The following MYO1C variants were observed in gnomAD, a reference collection of about 807,000 sequenced individuals.
MYO1C encodes myosin IC, also known as unconventional myosin-Ic.
Under a neutral mutation model 150.8 loss-of-function variants are expected in MYO1C, and 104 were observed. The observed-to-expected ratio is 0.69, with a 90% CI of 0.59 to 0.81. MYO1C has a LOEUF of 0.81. Among genes scored for constraint, MYO1C ranks in the 30% least tolerant of loss-of-function variants. The probability of loss-of-function intolerance (pLI) is 0.00; values close to 1 mark genes in which losing one functional copy is unlikely to be tolerated. For missense variants in MYO1C, 1,504 were observed against 1,435.0 expected, an observed-to-expected ratio of 1.05 and a Z score of -0.78; for synonymous variants, 663 against 579.9, an observed-to-expected ratio of 1.14 and a Z score of -2.06.
rs1017763401 is a variant in MYO1C at position 1,483,473 on chromosome 17, G to C, written c.347+137C>G. On this transcript the variant is annotated intron_variant, in intron 3 of 31. Coordinates refer to ENST00000648651, the MANE Select transcript of MYO1C (RefSeq NM_001080779.2). ...GTTGCGACATTCATCTCTGGTCACT[G>C]GGGGGCAAGAGACTGTGGGATTCCT... is the stretch of plus-strand genomic sequence containing the variant. 5.9e-6 allele frequency: 4 copies of C among 680,502 alleles called. No individual in the cohort carries two copies. In the African/African-American group the frequency reaches 7.1e-5, roughly 12 times the overall value. 42.2% of individuals were successfully genotyped at this position (680,502 alleles called of 1,614,324 possible).
In MYO1C at chr17:1,470,439, G is replaced by A. The variant is rs1043738817; in HGVS notation, c.2362C>T (p.Arg788Trp). 1.5e-5 allele frequency: 24 copies of A among 1,550,308 alleles called. No homozygotes were observed. The highest frequency in any genetic ancestry group is 3.9e-5 in the Admixed American group (2 of 50,988). Residue 788 changes from arginine (R) to tryptophan (W), a missense_variant, in exon 23 of 32, where the codon CGG becomes TGG. By Grantham distance (101) the Arg-to-Trp change is moderately radical. Transcript: ENST00000648651. ...ACAAGGCACCCTGGCGCTCACCGCC[G>A]GATGGTCTGTGCCGCCCACTTCCTC... ...AKRKWAAQTI[R>W]RLIRGFVLRH...
chr17:1,478,146 G>C lies in MYO1C; in HGVS notation c.1342C>G (p.Leu448Val), dbSNP rs1444089130. 7 of 1,613,970 alleles carry C rather than the reference G, an allele frequency of 4.3e-6. No individual in the cohort carries two copies. The highest frequency in any genetic ancestry group is 5.9e-6 in the Non-Finnish European group (7 of 1,180,056). ...INYCNEKLQQ[L>V]FIELTLKSEQ... ...GACTTGAGCGTGAGCTCGATGAAGA[G>C]CTGCTGCAGCTTCTCGTTGCAGTAA... The change falls in exon 12 of 32, where the codon CTC (leucine) becomes GTC (valine). Residue 448 changes from leucine (L) to valine (V), a missense_variant. Coordinates refer to ENST00000648651, the MANE Select transcript of MYO1C (RefSeq NM_001080779.2). This position sits in a 1 kb window ranked among gnomAD's most constrained non-coding sequence, Gnocchi z 6.3.
intron 19 of MYO1C, 83 bp downstream of exon 19, chr17:1,471,824 G>C: frequency 7.0e-7 from 1 of 1,432,106 alleles, no homozygotes; most frequent in Non-Finnish European, 9.8e-7. Flanking sequence ...ATGGGGCCGA[G>C]AACCCTTGTC....
At chr17:1,468,566 T>G (rs1196819532) in intron 25 of MYO1C, 70 bp from the exon 26 acceptor site, 1 of 1,313,794 alleles carries the variant, frequency 7.6e-7, no homozygotes, top group Non-Finnish European at 1.1e-6. Flanking sequence ...AGAGCCAGCC[T>G]TAGGACCTGA....
rs1163516373 is a variant in MYO1C, at chr17:1,482,570, CA to C, written c.547-13del. 5 of 1,612,962 alleles carry C rather than the reference CA, an allele frequency of 3.1e-6. No homozygotes were observed. In the South Asian group the frequency reaches 3.3e-5, roughly 11 times the overall value. On this transcript the variant is annotated splice_polypyrimidine_tract_variant and intron_variant, in intron 4 of 31. Transcript: ENST00000648651. ...GCATTTCCAAAGGCCTAGGAGTGGA[CA>C]GGGGTATGAGGGACACCTGGCACTC...
chr17:1,484,421 G>T, intron 1 of MYO1C, 118 bp from the exon 2 acceptor site: 2 of 1,270,400 alleles, frequency 1.6e-6, no homozygotes, highest in Non-Finnish European at 2.2e-6. Context: ...GGCTAGACAC[G>T]GGACATGAGC....
Position 1,480,168 on chromosome 17 carries a change from A to T in MYO1C, c.906+359T>A, listed in dbSNP as rs1462090975. Among the ~76,000 whole-genome samples, 3 of 133,834 alleles carry T rather than the reference A, an allele frequency of 2.2e-5. No homozygotes were observed. The East Asian group carries it at 6.8e-4, about 30-fold the overall frequency. The allele number at this position is 133,834 out of a possible 152,430, so 87.8% of individuals were successfully genotyped here. ...TCAAAAAAAAAAAAAAAAAAAAAAA[A>T]GGGATTACTGGCCCACGCCTGTAAT... On this transcript the variant is annotated intron_variant, in intron 7 of 31. Transcript: ENST00000648651.
Position 1,465,681 on chromosome 17 carries a change from A to G in MYO1C, c.*45T>C. 7.5e-7 allele frequency: 1 copy of G among 1,328,024 alleles called. No homozygotes were observed. Among genetic ancestry groups the G allele is most frequent in the South Asian group, 2.6e-5 (1 of 38,328 alleles). 82.3% of individuals were successfully genotyped at this position (1,328,024 alleles called of 1,614,324 possible). On this transcript the variant is annotated 3_prime_UTR_variant, in exon 32 of 32. Transcript: ENST00000648651. ...TGGTAACTGGGAAGGGGAGGAGGAG[A>G]AAAGCAAAGCATTGGGCGTTGGGAG...
intron 17 of MYO1C, among the ~76,000 whole-genome samples, chr17:1,473,722 C>T (rs879689208): frequency 9.2e-5 from 14 of 152,192 alleles, no homozygotes; most frequent in Non-Finnish European, 1.8e-4. Context: ...TTGATGCCAT[C>T]GCTTTCCTGC....
Position 1,469,397 on chromosome 17 carries a change from T to TAAATACGGTAGAC in MYO1C, c.2610+133_2610+134insGTCTACCGTATTT, listed in dbSNP as rs2074250420. Reference sequence around the variant, plus strand: ...AGTAGACCAGGGTAAATACGGTAGATCGGGGTAAATACGGTAGAACGCGGT... The same window carrying TAAATACGGTAGAC: ...AGTAGACCAGGGTAAATACGGTAGATAAATACGGTAGACCGGGGTAAATACGGTAGAACGCGGT... On this transcript the variant is annotated intron_variant, in intron 25 of 31. Transcript: ENST00000648651. The TAAATACGGTAGAC allele has an allele frequency of 5.8e-4, 406 of 704,398 alleles. 7 individuals carry two copies. Among genetic ancestry groups the TAAATACGGTAGAC allele is most frequent in the East Asian group, 3.9e-3 (140 of 36,304 alleles). 43.6% of individuals were successfully genotyped at this position (704,398 alleles called of 1,614,324 possible).
chr17:1,485,718 C>A, intron 1 of MYO1C: 1 of 1,173,778 alleles, frequency 8.5e-7, no homozygotes, highest in Non-Finnish European at 1.1e-6. Flanking sequence ...GCATCCTGCC[C>A]GGCCGGCCTG....
Position 1,469,304 on chromosome 17 carries a change from T to C in MYO1C, c.2610+227A>G, listed in dbSNP as rs77195523. 35 of 569,332 alleles carry C rather than the reference T, an allele frequency of 6.1e-5. No homozygotes were observed. The Middle Eastern group carries it at 1.9e-3, about 31-fold the overall frequency. 35.3% of individuals were successfully genotyped at this position (569,332 alleles called of 1,614,324 possible). On this transcript the variant is annotated intron_variant, in intron 25 of 31. Coordinates refer to ENST00000648651, the MANE Select transcript of MYO1C (RefSeq NM_001080779.2). ...AGTAGACTGGGGTAAATACGGTAGGTGGGGTAAATACAGTAGACCGAGATA... is the reference window on the plus strand; with the variant it reads ...AGTAGACTGGGGTAAATACGGTAGGCGGGGTAAATACAGTAGACCGAGATA...
chr17:1,470,594 C>A, intron 22 of MYO1C, 27 bp downstream of exon 22: 1 of 1,607,486 alleles, frequency 6.2e-7, no homozygotes. Context: ...GACCCCGCCC[C>A]TCCTGAACAC....
Position 1,492,506 on chromosome 17 carries a change from AGCGGCCTGGGCACC to A in MYO1C, c.-33_-20del. ...GCGCCATTCCGCCCTGCGGAGAGCCAGCGGCCTGGGCACCGCGGCCTGTGAGCAAGAGCTGCCTG... is the reference window on the plus strand; with the variant it reads ...GCGCCATTCCGCCCTGCGGAGAGCCAGCGGCCTGTGAGCAAGAGCTGCCTG... On this transcript the variant is annotated 5_prime_UTR_variant, in exon 1 of 32. Transcript: ENST00000648651. The A allele has an allele frequency of 6.3e-7, 1 of 1,587,904 alleles. No individual in the cohort carries two copies. Among genetic ancestry groups the A allele is most frequent in the East Asian group, 2.3e-5 (1 of 42,980 alleles).
Position 1,480,628 on chromosome 17 carries a change from G to A in MYO1C, c.808-3C>T. On this transcript the variant is annotated splice_polypyrimidine_tract_variant and splice_region_variant and intron_variant, in intron 6 of 31. Transcript: ENST00000648651. ...GAGGAGACTTTGGCACACTGGCCCT[G>A]GAGGAAGGGCACAGCTGGGTTGCCA... The A allele has an allele frequency of 6.2e-7, 1 of 1,613,952 alleles. No individual in the cohort carries two copies. Among genetic ancestry groups the A allele is most frequent in the East Asian group, 2.2e-5 (1 of 44,876 alleles).
chr17:1,478,722 A>G lies in MYO1C; in HGVS notation c.1106T>C (p.Leu369Pro). Residue 369 changes from leucine to proline, a missense_variant, in exon 10 of 32, where the codon CTG becomes CCG. By Grantham distance (98) the Leu-to-Pro change is moderately conservative. Transcript: ENST00000648651. The surrounding 1 kb of genome is among the most constrained non-coding windows in gnomAD (Gnocchi z 6.3). ...IAKGEELLSP[L>P]NLEQAAYARD... ...TGCGTACGCGGCCTGCTCCAGGTTC[A>G]GCGGGCTCAGGAGCTGTGGACGCAG... 3.7e-6 allele frequency: 6 copies of G among 1,614,074 alleles called. No homozygotes were observed. The highest frequency in any genetic ancestry group is 5.1e-6 in the Non-Finnish European group (6 of 1,180,026).
At chr17:1,480,144 C>CAAAAA (rs34326248) in intron 7 of MYO1C, among the ~76,000 whole-genome samples, 10 of 42,678 alleles carry the variant, frequency 2.3e-4, no homozygotes, top group African/African-American at 6.3e-4. Flanking sequence ...GACTCCATCT[C>CAAAAA]AAAAAAAAAA....
intron 14 of MYO1C, among the ~76,000 whole-genome samples, chr17:1,475,529 G>T (rs78991505): frequency 6.6e-6 from 1 of 152,160 alleles, no homozygotes; most frequent in African/African-American, 2.4e-5. Flanking sequence ...TGCCAGGACC[G>T]GGACCTGGGC....
chr17:1,465,895 G>A (rs972172174), intron 31 of MYO1C, 143 bp from the exon 32 acceptor site: 19 of 557,318 alleles, frequency 3.4e-5, no homozygotes, highest in African/African-American at 3.1e-4. Flanking sequence ...TTGGACTCCT[G>A]GGCTCAAGCT....
Sources: allele counts gnomAD v4.1 joint callset (sites outside exome capture counted in the v4.1 genomes callset), GRCh38; gene constraint gnomAD v4.1.1; non-coding constraint Gnocchi (gnomAD v3.1); transcripts MANE v1.5; gene names NCBI Gene and HGNC (gene_info 2026-07-23, HGNC 2026-07-21).